Variants in ARFIP1 observed in about 807,000 individuals in gnomAD.
ARFIP1 encodes arfaptin-1.
A neutral mutation model predicts 42.5 loss-of-function variants in ARFIP1; 24 were observed. The observed-to-expected ratio is 0.57, with a 90% CI of 0.41 to 0.80. ARFIP1 has a LOEUF of 0.80. Ranked by LOEUF, ARFIP1 falls within the 30% of genes least tolerant of loss-of-function variation. The pLI is 0.00. For missense variants in ARFIP1, 354 were observed against 434.0 expected (o/e 0.82, Z 1.64); for synonymous variants, 141 against 153.7 (o/e 0.92, Z 0.61).
intron 8 of ARFIP1, among the ~76,000 whole-genome samples, chr4:152,905,455 A>C (rs931435615): frequency 7.8e-6 from 1 of 128,282 alleles, no homozygotes; most frequent in Non-Finnish European, 1.6e-5. Context: ...TTATGTGCTT[A>C]TTTGCCATCT....
At chr4:152,853,754 C>T (rs1008987657) in intron 2 of ARFIP1, among the ~76,000 whole-genome samples, 1 of 152,080 alleles carries the variant, frequency 6.6e-6, no homozygotes, top group Non-Finnish European at 1.5e-5. Context: ...CTAACACTTT[C>T]ATTCTCTCTT....
intron 1 of ARFIP1, among the ~76,000 whole-genome samples, chr4:152,829,179 A>G (rs1236229232): frequency 6.6e-6 from 1 of 152,226 alleles, no homozygotes; most frequent in African/African-American, 2.4e-5. Flanking sequence ...AACACTTGTC[A>G]ACTAAAGTTT....
intron 1 of ARFIP1, among the ~76,000 whole-genome samples, chr4:152,821,590 A>G (rs1413515255): frequency 6.6e-6 from 1 of 152,142 alleles, no homozygotes; most frequent in Non-Finnish European, 1.5e-5. Flanking sequence ...ATTGAGGAAA[A>G]CTCCCTGGCC....
intron 8 of ARFIP1, among the ~76,000 whole-genome samples, chr4:152,896,325 T>A (rs1737320936): frequency 6.6e-6 from 1 of 152,190 alleles, no homozygotes; most frequent in Admixed American, 6.5e-5. Flanking sequence ...CATCACTTGT[T>A]ATTTCTACAG....
intron 2 of ARFIP1, among the ~76,000 whole-genome samples, chr4:152,852,496 G>A (rs1453698289): frequency 6.6e-6 from 1 of 152,104 alleles, no homozygotes; most frequent in Non-Finnish European, 1.5e-5. Flanking sequence ...AGCCAGGTGT[G>A]GCAGCGTGTG....
intron 1 of ARFIP1, among the ~76,000 whole-genome samples, chr4:152,818,318 C>T (rs916056326): frequency 1.3e-5 from 2 of 152,216 alleles, no homozygotes; most frequent in Admixed American, 6.5e-5. Context: ...GTGACACACA[C>T]TCCCACTGGG....
Position 152,910,115 on chromosome 4 carries a change from T to TA in ARFIP1, c.1019dup (p.Tyr340Ter). The TA allele has an allele frequency of 6.2e-7, 1 of 1,614,220 alleles. No homozygotes were observed. Among genetic ancestry groups the TA allele is most frequent in the Non-Finnish European group, 8.5e-7 (1 of 1,180,028 alleles). Residue 340 changes from tyrosine to a stop codon, truncating the protein, a stop_gained and frameshift_variant, in exon 9 of 9, where the codon TAC becomes TAAC. Transcript: ENST00000353617. LOFTEE classifies it high-confidence loss of function. ...LVLFHNAIAA[Y>*]FAGNQKQLEQ... is the part of the protein sequence containing the mutation. ...CCTTTTCCACAATGCCATTGCCGCT[T>TA]ACTTTGCTGGGAATCAGAAGCAGCT...
intron 1 of ARFIP1, among the ~76,000 whole-genome samples, chr4:152,788,699 A>G (rs1183752486): frequency 2.6e-5 from 4 of 152,106 alleles, no homozygotes; most frequent in African/African-American, 9.7e-5. Context: ...AAAAACAAAA[A>G]CATACTACAT....
intron 7 of ARFIP1, chr4:152,883,224 T>C (rs1209481826): frequency 1.3e-5 from 3 of 224,158 alleles, no homozygotes; most frequent in Non-Finnish European, 2.6e-5. Context: ...GCCTTGGTCA[T>C]GTGCCCAAAC....
chr4:152,810,540 G>A (rs1262451557), intron 1 of ARFIP1, among the ~76,000 whole-genome samples: 13 of 151,978 alleles, frequency 8.6e-5, no homozygotes, highest in Middle Eastern at 3.4e-3. Context: ...CAGGCATGGT[G>A]GCTCACGCCT....
chr4:152,812,956 A>G (rs980955636), intron 1 of ARFIP1, among the ~76,000 whole-genome samples: 2 of 152,130 alleles, frequency 1.3e-5, no homozygotes, highest in Non-Finnish European at 2.9e-5. Flanking sequence ...TTTATTGACT[A>G]TATTGTAAAA....
At chr4:152,793,326 T>A (rs989328475) in intron 1 of ARFIP1, among the ~76,000 whole-genome samples, 23 of 140,616 alleles carry the variant, frequency 1.6e-4, no homozygotes, top group Non-Finnish European at 2.3e-4. Context: ...AAAAAAAAAA[T>A]GATATATATA....
intron 8 of ARFIP1, among the ~76,000 whole-genome samples, chr4:152,895,547 T>A (rs1281874041): frequency 7.1e-6 from 1 of 140,344 alleles, no homozygotes; most frequent in Non-Finnish European, 1.5e-5. Flanking sequence ...CCACTGCACT[T>A]GGCCTTTTTT....
chr4:152,854,763 G>A (rs1190738865), intron 2 of ARFIP1, among the ~76,000 whole-genome samples: 2 of 152,232 alleles, frequency 1.3e-5, no homozygotes, highest in African/African-American at 2.4e-5. Flanking sequence ...AGTGGATTAA[G>A]TGTACAGTTA....
intron 1 of ARFIP1, among the ~76,000 whole-genome samples, chr4:152,789,781 C>G (rs1160308803): frequency 6.6e-6 from 1 of 152,158 alleles, no homozygotes; most frequent in East Asian, 1.9e-4. Flanking sequence ...TTAGTTGGTT[C>G]CTGTATTCCT....
intron 1 of ARFIP1, among the ~76,000 whole-genome samples, chr4:152,781,227 CTTTTT>C (rs1366486321): frequency 8.4e-6 from 1 of 119,290 alleles, no homozygotes; most frequent in Non-Finnish European, 1.8e-5. Flanking sequence ...TTGGCCTTTT[CTTTTT>C]TCTTTTTTTT....
chr4:152,840,306 G>C (rs569357668), intron 2 of ARFIP1, among the ~76,000 whole-genome samples: 77 of 152,192 alleles, frequency 5.1e-4, no homozygotes, highest in African/African-American at 1.9e-3. Flanking sequence ...TTTCTTTGTT[G>C]ACCTTCTATC....
At chr4:152,854,786 G>A (rs1733289133) in intron 2 of ARFIP1, among the ~76,000 whole-genome samples, 1 of 152,226 alleles carries the variant, frequency 6.6e-6, no homozygotes. Context: ...AGTGGAAGCT[G>A]TGGTGAAGTT....
chr4:152,792,497 C>T (rs1731199554), intron 1 of ARFIP1, among the ~76,000 whole-genome samples: 1 of 152,142 alleles, frequency 6.6e-6, no homozygotes, highest in South Asian at 2.1e-4. Flanking sequence ...CTTGGGCATA[C>T]CACTTCAGAC....
Sources: allele counts gnomAD v4.1 joint callset (sites outside exome capture counted in the v4.1 genomes callset), GRCh38; gene constraint gnomAD v4.1.1; transcripts MANE v1.5; gene names NCBI Gene and HGNC (gene_info 2026-07-23, HGNC 2026-07-21).